CDH13: variants seen among roughly 807,000 people sequenced by gnomAD.
CDH13 encodes the protein cadherin-13.
CDH13 carries 24 observed loss-of-function variants against 63.8 expected under a neutral mutation model. The observed-to-expected ratio is 0.38, with a 90% CI of 0.27 to 0.53. CDH13 has a LOEUF of 0.53. CDH13 is among the 20% of genes least tolerant of loss of function. The pLI is 0.85. For missense variants in CDH13, 1,049 were observed against 903.1 expected, an observed-to-expected ratio of 1.16 and a Z score of -2.07; for synonymous variants, 503 against 355.3, an observed-to-expected ratio of 1.42 and a Z score of -4.67.
chr16:83,160,934 C>T (rs1405941069), intron 4 of CDH13, among the ~76,000 whole-genome samples: 1 of 152,194 alleles, frequency 6.6e-6, no homozygotes, highest in Non-Finnish European at 1.5e-5. Context: ...GGACTTGATA[C>T]AATGCTGGAA....
chr16:83,372,048 C>A (rs1219317748), intron 6 of CDH13, among the ~76,000 whole-genome samples: 2 of 152,192 alleles, frequency 1.3e-5, no homozygotes, highest in Non-Finnish European at 2.9e-5. Context: ...GAGATGCTTC[C>A]TGATTTGAAA....
intron 10 of CDH13, among the ~76,000 whole-genome samples, chr16:83,683,098 G>A (rs560649847): frequency 1.3e-4 from 20 of 152,328 alleles, no homozygotes; most frequent in South Asian, 2.1e-4. Flanking sequence ...AGCAAAGGGC[G>A]CCTTGATCTC....
intron 1 of CDH13, among the ~76,000 whole-genome samples, chr16:82,684,415 G>A (rs1914857240): frequency 6.6e-6 from 1 of 152,156 alleles, no homozygotes; most frequent in Non-Finnish European, 1.5e-5. Context: ...CACATGAAGA[G>A]GATGCCTAGA....
intron 6 of CDH13, among the ~76,000 whole-genome samples, chr16:83,464,215 A>G (rs945180649): frequency 5.3e-5 from 7 of 131,946 alleles, no homozygotes; most frequent in Non-Finnish European, 8.3e-5. Context: ...ACACACCACT[A>G]TGTCCGGCTA....
At chr16:83,234,110 C>T (rs536300620) in intron 5 of CDH13, among the ~76,000 whole-genome samples, 38 of 152,330 alleles carry the variant, frequency 2.5e-4, no homozygotes, top group African/African-American at 9.1e-4. Flanking sequence ...TCTGGATGAA[C>T]CCCCAGGGGC....
chr16:83,111,674 T>A (rs2035064495), intron 3 of CDH13, among the ~76,000 whole-genome samples: 1 of 152,192 alleles, frequency 6.6e-6, no homozygotes, highest in African/African-American at 2.4e-5. Context: ...GATTGGAGAA[T>A]GGAGTTGAGA....
chr16:83,610,141 A>C (rs1054619551), intron 8 of CDH13, among the ~76,000 whole-genome samples: 2 of 152,106 alleles, frequency 1.3e-5, no homozygotes, highest in Non-Finnish European at 2.9e-5. Flanking sequence ...AGGCAGTTTC[A>C]GTTTTTGGCT....
intron 5 of CDH13, among the ~76,000 whole-genome samples, chr16:83,338,458 C>G (rs1294820691): frequency 6.6e-6 from 1 of 152,196 alleles, no homozygotes; most frequent in Non-Finnish European, 1.5e-5. Flanking sequence ...TGTTTGGCAC[C>G]AGGCATTGGG....
At chr16:83,707,827 C>T (rs1020000396) in intron 10 of CDH13, among the ~76,000 whole-genome samples, 2 of 61,874 alleles carry the variant, frequency 3.2e-5, no homozygotes, top group African/African-American at 1.4e-4. Flanking sequence ...TGGTGAGAGA[C>T]CCTAAAGGCA....
At chr16:83,628,473 A>T (rs1345628120) in intron 8 of CDH13, among the ~76,000 whole-genome samples, 2 of 152,130 alleles carry the variant, frequency 1.3e-5, no homozygotes, top group East Asian at 3.9e-4. Flanking sequence ...GTCACATTCC[A>T]GACCCTTTTA....
intron 4 of CDH13, among the ~76,000 whole-genome samples, chr16:83,214,737 A>G (rs1354625693): frequency 2.0e-5 from 3 of 152,096 alleles, no homozygotes; most frequent in Non-Finnish European, 4.4e-5. Context: ...GTGGCAGGAC[A>G]TGTACTTTAT....
intron 6 of CDH13, among the ~76,000 whole-genome samples, chr16:83,473,970 G>C (rs1400446764): frequency 6.6e-6 from 1 of 152,098 alleles, no homozygotes; most frequent in African/African-American, 2.4e-5. Context: ...CCTCATAAAG[G>C]TTAGCTCCCC....
At chr16:82,835,701 T>A (rs558629453) in intron 1 of CDH13, among the ~76,000 whole-genome samples, 18 of 152,290 alleles carry the variant, frequency 1.2e-4, no homozygotes, top group African/African-American at 3.9e-4. Flanking sequence ...GTTCTCTAGA[T>A]AGAAGTTTCC....
At chr16:83,651,046 A>T (rs760061376) in intron 8 of CDH13, among the ~76,000 whole-genome samples, 8 of 152,026 alleles carry the variant, frequency 5.3e-5, no homozygotes, top group Non-Finnish European at 7.4e-5. Context: ...GGCTGCAGTG[A>T]GCCATCATCA....
chr16:83,275,589 G>A (rs575693358), intron 5 of CDH13, among the ~76,000 whole-genome samples: 7 of 152,132 alleles, frequency 4.6e-5, no homozygotes, highest in Non-Finnish European at 7.4e-5. Context: ...GTATAGGAGG[G>A]GCTTAAGGAG....
chr16:83,436,462 C>A (rs965924358), intron 6 of CDH13, among the ~76,000 whole-genome samples: 3 of 148,706 alleles, frequency 2.0e-5, no homozygotes, highest in African/African-American at 2.5e-5. Context: ...AGAGTGAGAC[C>A]CTGAATCTAA....
At chr16:83,630,477 G>A (rs990028993) in intron 8 of CDH13, among the ~76,000 whole-genome samples, 1 of 152,208 alleles carries the variant, frequency 6.6e-6, no homozygotes, top group Non-Finnish European at 1.5e-5. Flanking sequence ...AGTCTGGAGA[G>A]TGGGCGATCA....
At chr16:82,717,583 G>T (rs112360978) in intron 1 of CDH13, among the ~76,000 whole-genome samples, 1,650 of 152,150 alleles carry the variant, frequency 0.011, 22 homozygotes, top group African/African-American at 0.037. Context: ...GGTGGTTCCC[G>T]ACATTCCTTA....
Position 83,002,535 on chromosome 16 carries a change from T to C in CDH13, c.158-29475T>C, listed in dbSNP as rs1241838562. 5.3e-5 allele frequency among the ~76,000 whole-genome samples: 8 copies of C among 152,188 alleles called. No homozygotes were observed. The East Asian group carries it at 1.5e-3, about 29-fold the overall frequency. Reference sequence around the variant, plus strand: ...TAGCAGCCACAGGAAATTAATACAATAGGCTAAACAGACAAAAATCCCTGC... The same window carrying C: ...TAGCAGCCACAGGAAATTAATACAACAGGCTAAACAGACAAAAATCCCTGC... On this transcript the variant is annotated intron_variant, in intron 2 of 13. Coordinates refer to ENST00000567109, the MANE Select transcript of CDH13 (RefSeq NM_001257.5).
Sources: gnomAD v4.1 joint callset for allele counts (sites outside exome capture counted in the v4.1 genomes callset) on GRCh38, gnomAD v4.1.1 for gene constraint, MANE v1.5 for transcripts, NCBI Gene and HGNC (gene_info 2026-07-23, HGNC 2026-07-21) for gene names.